Variants in RTN1 observed in about 807,000 individuals in gnomAD.
The protein encoded by RTN1 is reticulon 1.
A neutral mutation model predicts 65.5 loss-of-function variants in RTN1; 25 were observed. The ratio of observed to expected loss-of-function variants is 0.38; its 90% CI spans 0.28 to 0.53. RTN1 has a LOEUF of 0.53. Ranked by LOEUF, RTN1 falls within the 20% of genes least tolerant of loss-of-function variation. The pLI is 0.79. For synonymous variants in RTN1, 471 were observed against 447.6 expected, an observed-to-expected ratio of 1.05 and a Z score of -0.66; for missense variants, 983 against 1,025.4, an observed-to-expected ratio of 0.96 and a Z score of 0.57.
intron 3 of RTN1, among the ~76,000 whole-genome samples, chr14:59,690,167 T>G (rs1883931376): frequency 6.6e-6 from 1 of 151,686 alleles, no homozygotes; most frequent in Non-Finnish European, 1.5e-5. Flanking sequence ...AGGCACAGAG[T>G]GGCAAGTTGA....
Position 59,749,119 on chromosome 14 carries a change from T to G in RTN1, c.242-2638A>C, listed in dbSNP as rs12880212. Reference sequence around the variant, plus strand: ...ATATATATCTATATATATATATATATATATAGATATATCTATATCTATCTA... The same window carrying G: ...ATATATATCTATATATATATATATAGATATAGATATATCTATATCTATCTA... On this transcript the variant is annotated intron_variant, in intron 1 of 8. Transcript: ENST00000267484. Among the ~76,000 whole-genome samples the G allele has an allele frequency of 7.9e-4, 39 of 49,294 alleles. 2 individuals are homozygous for G. Among genetic ancestry groups the G allele is most frequent in the Admixed American group, 2.1e-3 (7 of 3,310 alleles). 32.3% of individuals were successfully genotyped at this position (49,294 alleles called of 152,430 possible).
intron 3 of RTN1, among the ~76,000 whole-genome samples, chr14:59,649,102 C>T (rs995958686): frequency 6.6e-6 from 1 of 152,112 alleles, no homozygotes; most frequent in Admixed American, 6.6e-5. Context: ...GAAATAATGC[C>T]ACACATTTAC....
At chr14:59,856,000 CT>C (rs1887600644) in intron 1 of RTN1, among the ~76,000 whole-genome samples, 1 of 152,184 alleles carries the variant, frequency 6.6e-6, no homozygotes, top group African/African-American at 2.4e-5. Context: ...AAACAGCAGG[CT>C]TTTTTTGTGG....
chr14:59,782,301 C>T (rs1258753250), intron 1 of RTN1, among the ~76,000 whole-genome samples: 1 of 152,122 alleles, frequency 6.6e-6, no homozygotes, highest in Non-Finnish European at 1.5e-5. Context: ...AAAAGTGGGT[C>T]ATGAAGGCAT....
In RTN1 at chr14:59,656,548, GAC is replaced by G. The variant is rs1183184871; in HGVS notation, c.1766-49058_1766-49057del. 2.0e-5 allele frequency among the ~76,000 whole-genome samples: 3 copies of G among 152,152 alleles called. No individual in the cohort carries two copies. The South Asian group carries it at 6.2e-4, about 32-fold the overall frequency. Reference sequence around the variant, plus strand: ...ACATACAGGTTAATGGAACAGAATCGACAATCTAGAATTGGCAGCTTTACATG... The same window carrying G: ...ACATACAGGTTAATGGAACAGAATCGAATCTAGAATTGGCAGCTTTACATG... On this transcript the variant is annotated intron_variant, in intron 3 of 8. Coordinates refer to ENST00000267484, the MANE Select transcript of RTN1 (RefSeq NM_021136.3).
intron 3 of RTN1, among the ~76,000 whole-genome samples, chr14:59,621,824 G>A (rs1185698430): frequency 6.6e-6 from 1 of 152,170 alleles, no homozygotes; most frequent in Non-Finnish European, 1.5e-5. Flanking sequence ...TATTAAAAAT[G>A]TATGAACTGA....
At chr14:59,811,515 T>C (rs771392629) in intron 1 of RTN1, among the ~76,000 whole-genome samples, 1 of 152,186 alleles carries the variant, frequency 6.6e-6, no homozygotes, top group Non-Finnish European at 1.5e-5. Flanking sequence ...CAGCTAATAA[T>C]GGTGTCAGGT....
At chr14:59,602,295 T>C (rs967268831) in intron 8 of RTN1, among the ~76,000 whole-genome samples, 3 of 152,146 alleles carry the variant, frequency 2.0e-5, no homozygotes, top group Non-Finnish European at 2.9e-5. Context: ...AGTCCTTTGG[T>C]GAAATATATT....
At chr14:59,644,274 A>T (rs1015261616) in intron 3 of RTN1, among the ~76,000 whole-genome samples, 1 of 152,316 alleles carries the variant, frequency 6.6e-6, no homozygotes, top group South Asian at 2.1e-4. Context: ...CAAAGAATGG[A>T]GAAAGGCAAG....
At chr14:59,678,691 C>A (rs1883680332) in intron 3 of RTN1, among the ~76,000 whole-genome samples, 1 of 152,184 alleles carries the variant, frequency 6.6e-6, no homozygotes, top group Non-Finnish European at 1.5e-5. Flanking sequence ...ACTGCCCCTT[C>A]CTCAACCTCC....
At chr14:59,689,371 C>T (rs138103102) in intron 3 of RTN1, among the ~76,000 whole-genome samples, 268 of 152,240 alleles carry the variant, frequency 1.8e-3, no homozygotes, top group Non-Finnish European at 2.7e-3. Flanking sequence ...AGTCAACAAT[C>T]TAGAAAACAT....
At chr14:59,862,690 T>A (rs796075830) in intron 1 of RTN1, among the ~76,000 whole-genome samples, 51 of 152,190 alleles carry the variant, frequency 3.4e-4, no homozygotes, top group African/African-American at 1.1e-3. Flanking sequence ...AAAACAAAAA[T>A]CAATCCAACT....
intron 1 of RTN1, among the ~76,000 whole-genome samples, chr14:59,757,351 T>C (rs980291524): frequency 2.0e-5 from 3 of 152,168 alleles, no homozygotes; most frequent in Non-Finnish European, 4.4e-5. Context: ...ACTGTTCTCA[T>C]GGTAGTGAAT....
intron 3 of RTN1, among the ~76,000 whole-genome samples, chr14:59,634,443 G>T (rs1245730913): frequency 6.6e-6 from 1 of 152,186 alleles, no homozygotes; most frequent in Non-Finnish European, 1.5e-5. Context: ...ACCCACTGTA[G>T]CAGAATAATG....
At chr14:59,603,309 T>C (rs1259700028) in intron 6 of RTN1, 51 bp from the exon 7 acceptor site, 1 of 1,408,384 alleles carries the variant, frequency 7.1e-7, no homozygotes, top group Non-Finnish European at 1.0e-6. Flanking sequence ...TCAATAAGAA[T>C]ACGCTTATAG....
chr14:59,707,698 C>T (rs1884326185), intron 3 of RTN1, among the ~76,000 whole-genome samples: 1 of 140,058 alleles, frequency 7.1e-6, no homozygotes, highest in Admixed American at 7.7e-5. Flanking sequence ...TTCCCTCTGT[C>T]TCTCTCTTTT....
chr14:59,704,361 C>T (rs989792587), intron 3 of RTN1, among the ~76,000 whole-genome samples: 2 of 152,090 alleles, frequency 1.3e-5, no homozygotes, highest in East Asian at 1.9e-4. Context: ...CAATATTGAA[C>T]GATGTTCCCC....
intron 3 of RTN1, among the ~76,000 whole-genome samples, chr14:59,615,001 C>T (rs1882063443): frequency 6.6e-6 from 1 of 152,166 alleles, no homozygotes; most frequent in Non-Finnish European, 1.5e-5. Context: ...TTGGCTAGTT[C>T]TGAGGGTTTT....
In RTN1 at chr14:59,848,636, C is replaced by CATTG. The variant is rs370139681; in HGVS notation, c.241+21750_241+21753dup. Among the ~76,000 whole-genome samples, 342 of 152,260 alleles carry CATTG rather than the reference C, an allele frequency of 2.2e-3. 1 individual carries two copies. The highest frequency in any genetic ancestry group is 7.9e-3 in the African/African-American group (328 of 41,548). On this transcript the variant is annotated intron_variant, in intron 1 of 8. Coordinates refer to ENST00000267484, the MANE Select transcript of RTN1 (RefSeq NM_021136.3). ...CCTGCTTCTAAAGGCTTTGAATAGT[C>CATTG]ATTGATTCTGTGAACTTTGAAAGTT...
Sources: allele counts gnomAD v4.1 joint callset (sites outside exome capture counted in the v4.1 genomes callset), GRCh38; gene constraint gnomAD v4.1.1; transcripts MANE v1.5; gene names NCBI Gene and HGNC (gene_info 2026-07-23, HGNC 2026-07-21).